The following TMEM167A variants were observed in gnomAD, a reference collection of about 807,000 sequenced individuals.
The protein encoded by TMEM167A is protein kish-A.
In TMEM167A, 8 loss-of-function variants were observed where a neutral mutation model predicts 11.6. That is an observed-to-expected ratio of 0.69 (90% CI 0.40 to 1.24). TMEM167A has a LOEUF of 1.24. Ranked by LOEUF, TMEM167A falls within the 50% of genes most tolerant of loss-of-function variation. The probability of loss-of-function intolerance (pLI) is 0.01; values close to 1 mark genes in which losing one functional copy is unlikely to be tolerated. For synonymous variants in TMEM167A, 22 were observed against 28.0 expected, an observed-to-expected ratio of 0.79 and a Z score of 0.67; for missense variants, 62 against 87.0, an observed-to-expected ratio of 0.71 and a Z score of 1.14.
intron 2 of TMEM167A, among the ~76,000 whole-genome samples, chr5:83,063,240 G>C (rs1308222334): frequency 6.6e-6 from 1 of 152,048 alleles, no homozygotes; most frequent in African/African-American, 2.4e-5. Context: ...CTGTGAGCAA[G>C]GTATTGTATC....
intron 1 of TMEM167A, among the ~76,000 whole-genome samples, chr5:83,076,287 A>G (rs1231519555): frequency 6.6e-6 from 1 of 152,246 alleles, no homozygotes; most frequent in African/African-American, 2.4e-5. Context: ...AATAAATGAA[A>G]GCATTTGCTA....
intron 1 of TMEM167A, among the ~76,000 whole-genome samples, chr5:83,066,859 C>T (rs1389549305): frequency 1.3e-5 from 2 of 152,140 alleles, no homozygotes; most frequent in East Asian, 1.9e-4. Flanking sequence ...GAATTCTTTC[C>T]GGAGAGAGCA....
chr5:83,062,117 G>A lies in TMEM167A; in HGVS notation c.114-206C>T, dbSNP rs529614377. On this transcript the variant is annotated intron_variant, in intron 2 of 3. Transcript: ENST00000502346. ...ATGACATATCAACCATCAATGTACAGAAACTGCTATGAAATGGAATATAAA... is the reference window on the plus strand; with the variant it reads ...ATGACATATCAACCATCAATGTACAAAAACTGCTATGAAATGGAATATAAA... 6.2e-4 allele frequency: 307 copies of A among 493,912 alleles called. 3 individuals are homozygous for A. The highest frequency in any genetic ancestry group is 4.3e-5 in the Non-Finnish European group (12 of 276,876). 30.6% of individuals were successfully genotyped at this position (493,912 alleles called of 1,614,324 possible).
intron 1 of TMEM167A, 25 bp downstream of exon 1, chr5:83,077,296 G>A (rs770350172): frequency 6.2e-7 from 1 of 1,614,164 alleles, no homozygotes; most frequent in Non-Finnish European, 8.5e-7. Context: ...AAGATCAACC[G>A]CGACCTGGGA....
At chr5:83,073,435 C>T (rs1220661094) in intron 1 of TMEM167A, among the ~76,000 whole-genome samples, 1 of 152,204 alleles carries the variant, frequency 6.6e-6, no homozygotes, top group African/African-American at 2.4e-5. Context: ...CATCACCAAA[C>T]TTCCAAATCA....
At chr5:83,070,654 A>G (rs551071729) in intron 1 of TMEM167A, among the ~76,000 whole-genome samples, 3 of 152,316 alleles carry the variant, frequency 2.0e-5, no homozygotes, top group Non-Finnish European at 4.4e-5. Flanking sequence ...GGGTCTAGAC[A>G]TGAAATTACT....
intron 1 of TMEM167A, among the ~76,000 whole-genome samples, chr5:83,068,663 C>T (rs1270070942): frequency 6.6e-6 from 1 of 151,930 alleles, no homozygotes; most frequent in Non-Finnish European, 1.5e-5. Context: ...GGAAAAAAAC[C>T]CTACAGAAAA....
intron 3 of TMEM167A, among the ~76,000 whole-genome samples, chr5:83,057,689 T>C (rs1211102037): frequency 1.3e-5 from 2 of 152,080 alleles, no homozygotes; most frequent in Non-Finnish European, 2.9e-5. Context: ...TTAAAATGCT[T>C]AATTAAAAAA....
intron 2 of TMEM167A, among the ~76,000 whole-genome samples, chr5:83,064,568 G>C (rs550395528): frequency 5.9e-5 from 9 of 152,206 alleles, no homozygotes; most frequent in Non-Finnish European, 1.5e-5. Context: ...CAATGAAACT[G>C]TCTACTTGGA....
chr5:83,059,060 A>T (rs73769236), intron 3 of TMEM167A, among the ~76,000 whole-genome samples: 6,338 of 152,140 alleles, frequency 0.042, 413 homozygotes, highest in African/African-American at 0.14. Context: ...CAAAATGAAA[A>T]GCTAATGCTT....
intron 2 of TMEM167A, among the ~76,000 whole-genome samples, chr5:83,063,703 GCACACA>G (rs112611185): frequency 2.7e-5 from 4 of 149,634 alleles, no homozygotes. Flanking sequence ...ACTTACACAT[GCACACA>G]CACACACACA....
intron 2 of TMEM167A, chr5:83,064,112 T>C (rs941106776): frequency 2.8e-6 from 1 of 362,958 alleles, no homozygotes; most frequent in African/African-American, 2.2e-5. Context: ...CGTATATAAG[T>C]AGAAATAAAG....
chr5:83,061,830 T>C (rs771974815), intron 3 of TMEM167A, 47 bp downstream of exon 3: 1 of 1,544,462 alleles, frequency 6.5e-7, no homozygotes, highest in Non-Finnish European at 8.9e-7. Flanking sequence ...AGTAAATTGG[T>C]CAACAATTTA....
chr5:83,061,922 TA>T lies in TMEM167A; in HGVS notation c.114-12del, dbSNP rs1256358662. ...AATATACCCAACAATCTGCATAGAA[TA>T]AAAAAAGAAAAAAAGTAGCTATTGA... On this transcript the variant is annotated splice_polypyrimidine_tract_variant and intron_variant, in intron 2 of 3. Coordinates refer to ENST00000502346, the MANE Select transcript of TMEM167A (RefSeq NM_174909.5). The T allele has an allele frequency of 6.2e-7, 1 of 1,609,452 alleles. No homozygotes were observed. The highest frequency in any genetic ancestry group is 8.5e-7 in the Non-Finnish European group (1 of 1,176,738).
intron 1 of TMEM167A, among the ~76,000 whole-genome samples, chr5:83,074,409 G>T (rs1262235652): frequency 6.6e-6 from 1 of 152,148 alleles, no homozygotes; most frequent in African/African-American, 2.4e-5. Context: ...CTTCCACTGT[G>T]TTTAATGATT....
At chr5:83,064,114 G>T in intron 2 of TMEM167A, 2 of 368,042 alleles carry the variant, frequency 5.4e-6, no homozygotes, top group Non-Finnish European at 1.1e-5. Context: ...TATATAAGTA[G>T]AAATAAAGGT....
At chr5:83,061,848 A>C (rs764911329) in intron 3 of TMEM167A, 29 bp downstream of exon 3, 12 of 1,593,794 alleles carry the variant, frequency 7.5e-6, no homozygotes, top group Admixed American at 1.7e-5. Flanking sequence ...TTACAGCTGA[A>C]GAAATGGAGG....
At chr5:83,057,206 C>A (rs781469701) in intron 3 of TMEM167A, 52 bp from the exon 4 acceptor site, 2 of 1,512,984 alleles carry the variant, frequency 1.3e-6, no homozygotes, top group Non-Finnish European at 1.8e-6. Context: ...GCTAACCTGG[C>A]TATGACAAGG....
intron 1 of TMEM167A, among the ~76,000 whole-genome samples, chr5:83,071,912 T>C (rs1744567786): frequency 1.3e-5 from 2 of 152,314 alleles, no homozygotes; most frequent in East Asian, 1.9e-4. Context: ...ACATCTCCAC[T>C]TGTCAGTTTC....
Sources: gnomAD v4.1 joint callset for allele counts (sites outside exome capture counted in the v4.1 genomes callset) on GRCh38, gnomAD v4.1.1 for gene constraint, MANE v1.5 for transcripts, NCBI Gene and HGNC (gene_info 2026-07-23, HGNC 2026-07-21) for gene names.